Variants in GABRG3 observed in about 807,000 individuals in gnomAD.
GABRG3 encodes gamma-aminobutyric acid receptor subunit gamma-3.
In GABRG3, 25 loss-of-function variants were observed where a neutral mutation model predicts 48.8. The observed-to-expected ratio is 0.51, with a 90% CI of 0.37 to 0.72. GABRG3 has a LOEUF of 0.72. GABRG3 is among the 30% of genes least tolerant of loss of function. The pLI is 0.00. For synonymous variants in GABRG3, 227 were observed against 217.6 expected (o/e 1.04, Z -0.38); for missense variants, 394 against 577.9 (o/e 0.68, Z 3.26).
chr15:27,516,555 C>G (rs1891024184), intron 6 of GABRG3, among the ~76,000 whole-genome samples: 1 of 152,166 alleles, frequency 6.6e-6, no homozygotes, highest in African/African-American at 2.4e-5. Flanking sequence ...AGATGGGCAG[C>G]AATCTAATCT....
intron 5 of GABRG3, among the ~76,000 whole-genome samples, chr15:27,427,062 T>C (rs1888313876): frequency 6.6e-6 from 1 of 152,212 alleles, no homozygotes; most frequent in Non-Finnish European, 1.5e-5. Flanking sequence ...ATTGTTTCAA[T>C]ACTCTGTCTT....
intron 3 of GABRG3, among the ~76,000 whole-genome samples, chr15:27,305,318 T>C (rs1892361000): frequency 6.6e-6 from 1 of 151,502 alleles, no homozygotes; most frequent in Non-Finnish European, 1.5e-5. Flanking sequence ...ACAAAATGTG[T>C]ACAGTGTAAG....
At chr15:27,130,482 C>A (rs986263208) in intron 3 of GABRG3, among the ~76,000 whole-genome samples, 23 of 152,010 alleles carry the variant, frequency 1.5e-4, no homozygotes, top group African/African-American at 4.6e-4. Context: ...AACTATGAGA[C>A]CCCCAACTTT....
chr15:27,194,506 T>C lies in GABRG3; in HGVS notation c.271-132303T>C, dbSNP rs1396378842. Among the ~76,000 whole-genome samples, 8 of 152,344 alleles carry C rather than the reference T, an allele frequency of 5.3e-5. No homozygotes were observed. In the East Asian group the frequency reaches 1.5e-3, roughly 29 times the overall value. ...GCTGAGAGTGTTTTTATTTGTCCTTTATTTCTAGAGGTATTTCTACTAAAT... is the reference window on the plus strand; with the variant it reads ...GCTGAGAGTGTTTTTATTTGTCCTTCATTTCTAGAGGTATTTCTACTAAAT... On this transcript the variant is annotated intron_variant, in intron 3 of 9. Coordinates refer to ENST00000615808, the MANE Select transcript of GABRG3 (RefSeq NM_033223.5).
At chr15:27,307,220 A>G (rs1226274569) in intron 3 of GABRG3, among the ~76,000 whole-genome samples, 1 of 137,262 alleles carries the variant, frequency 7.3e-6, no homozygotes, top group Non-Finnish European at 1.6e-5. Context: ...TTTATATATA[A>G]CCATGTTTAT....
intron 3 of GABRG3, among the ~76,000 whole-genome samples, chr15:27,253,130 G>A (rs529845540): frequency 2.0e-5 from 3 of 152,308 alleles, no homozygotes; most frequent in African/African-American, 4.8e-5. Context: ...TGTAGTCACC[G>A]GGCTGCTGGA....
At chr15:27,401,304 T>A (rs893619290) in intron 5 of GABRG3, among the ~76,000 whole-genome samples, 1 of 152,220 alleles carries the variant, frequency 6.6e-6, no homozygotes, top group Admixed American at 6.5e-5. Flanking sequence ...GATTCCTTAA[T>A]TACCATATGT....
intron 3 of GABRG3, among the ~76,000 whole-genome samples, chr15:27,271,354 A>G (rs1424637392): frequency 6.6e-6 from 1 of 152,092 alleles, no homozygotes; most frequent in Non-Finnish European, 1.5e-5. Context: ...TCTCGCTGCC[A>G]CCCGCACTCT....
chr15:27,003,099 T>C (rs572576132), intron 2 of GABRG3, among the ~76,000 whole-genome samples: 10 of 152,002 alleles, frequency 6.6e-5, no homozygotes, highest in Non-Finnish European at 7.4e-5. Flanking sequence ...AATTACAGAA[T>C]TTGGTTTTTC....
At chr15:27,418,294 C>A (rs1888004224) in intron 5 of GABRG3, among the ~76,000 whole-genome samples, 2 of 152,216 alleles carry the variant, frequency 1.3e-5, no homozygotes, top group African/African-American at 4.8e-5. Flanking sequence ...AGGGAAGGAG[C>A]AATCTCCTGG....
chr15:27,066,225 C>T (rs755078470), intron 3 of GABRG3, among the ~76,000 whole-genome samples: 3 of 152,226 alleles, frequency 2.0e-5, no homozygotes, highest in Admixed American at 6.5e-5. Flanking sequence ...TAGTTACGTT[C>T]ATACAAACCT....
intron 3 of GABRG3, among the ~76,000 whole-genome samples, chr15:27,038,792 C>A (rs565842429): frequency 1.3e-5 from 2 of 152,056 alleles, no homozygotes; most frequent in Non-Finnish European, 2.9e-5. Flanking sequence ...TTGGGGATGT[C>A]AGAGTGACAG....
chr15:27,097,048 C>T lies in GABRG3; in HGVS notation c.270+70227C>T, dbSNP rs575528690. Among the ~76,000 whole-genome samples the T allele has an allele frequency of 6.3e-5, 9 of 142,394 alleles. No homozygotes were observed. In the South Asian group the frequency reaches 1.3e-3, roughly 21 times the overall value. The allele number at this position is 142,394 out of a possible 152,430, so 93.4% of individuals were successfully genotyped here. On this transcript the variant is annotated intron_variant, in intron 3 of 9. Coordinates refer to ENST00000615808, the MANE Select transcript of GABRG3 (RefSeq NM_033223.5). ...TGTATTTTTAATAGAGACAGGGTTTCACCATGTTGGCCAGGCTGGTCTGAA... is the reference window on the plus strand; with the variant it reads ...TGTATTTTTAATAGAGACAGGGTTTTACCATGTTGGCCAGGCTGGTCTGAA...
chr15:27,199,078 G>A (rs914787022), intron 3 of GABRG3, among the ~76,000 whole-genome samples: 2 of 152,048 alleles, frequency 1.3e-5, no homozygotes, highest in Non-Finnish European at 2.9e-5. Flanking sequence ...AAACCACCAT[G>A]GCATATGTAT....
At chr15:27,129,227 C>T (rs2140381577) in intron 3 of GABRG3, among the ~76,000 whole-genome samples, 1 of 152,250 alleles carries the variant, frequency 6.6e-6, no homozygotes, top group Admixed American at 6.5e-5. Context: ...CTTGCATTCC[C>T]TGGTCCCTGG....
intron 3 of GABRG3, among the ~76,000 whole-genome samples, chr15:27,280,074 AT>A (rs774243656): frequency 2.6e-5 from 4 of 151,614 alleles, no homozygotes; most frequent in African/African-American, 9.7e-5. Flanking sequence ...AGAACTAGTG[AT>A]TTTTTTTAAT....
intron 2 of GABRG3, among the ~76,000 whole-genome samples, chr15:27,000,889 C>T (rs1486499665): frequency 6.6e-6 from 1 of 152,106 alleles, no homozygotes; most frequent in African/African-American, 2.4e-5. Flanking sequence ...ATATAAAAGC[C>T]CTGTGAATTT....
chr15:27,243,679 G>C lies in GABRG3; in HGVS notation c.271-83130G>C, dbSNP rs1890192771. On this transcript the variant is annotated intron_variant, in intron 3 of 9. Coordinates refer to ENST00000615808, the MANE Select transcript of GABRG3 (RefSeq NM_033223.5). ...TGCAAACGTTGTTGCTCAGAGTTCT[G>C]TCTTTCTATATGGTTTGGCCATTGT... 2.0e-5 allele frequency among the ~76,000 whole-genome samples: 3 copies of C among 152,106 alleles called. 1 individual carries two copies. The South Asian group carries it at 6.2e-4, about 32-fold the overall frequency.
intron 3 of GABRG3, among the ~76,000 whole-genome samples, chr15:27,185,870 TTTTA>T (rs1169310613): frequency 6.6e-6 from 1 of 152,086 alleles, no homozygotes; most frequent in Admixed American, 6.6e-5. Flanking sequence ...TTAAAATTAA[TTTTA>T]TATATTTTTT....
Sources: allele counts gnomAD v4.1 joint callset (sites outside exome capture counted in the v4.1 genomes callset), GRCh38; gene constraint gnomAD v4.1.1; transcripts MANE v1.5; gene names NCBI Gene and HGNC (gene_info 2026-07-23, HGNC 2026-07-21).